Variants in RGS6 observed in about 807,000 individuals in gnomAD.
RGS6 encodes regulator of G-protein signaling 6.
Under a neutral mutation model 78.5 loss-of-function variants are expected in RGS6, and 30 were observed. The observed-to-expected ratio is 0.38, with a 90% CI of 0.29 to 0.52. The LOEUF (loss-of-function observed/expected upper bound fraction) is 0.52, where lower values mean the gene tolerates loss of function less well. Among genes scored for constraint, RGS6 ranks in the 20% least tolerant of loss-of-function variants. RGS6 has a pLI of 0.85. For synonymous variants in RGS6, 206 were observed against 206.0 expected (o/e 1.00, Z 0.00); for missense variants, 495 against 609.7 (o/e 0.81, Z 1.98).
chr14:72,072,268 T>A (rs750126462), intron 2 of RGS6, among the ~76,000 whole-genome samples: 4 of 151,920 alleles, frequency 2.6e-5, no homozygotes, highest in Non-Finnish European at 5.9e-5. Flanking sequence ...TTTTGGGAAG[T>A]GGATGTAGGT....
intron 2 of RGS6, among the ~76,000 whole-genome samples, chr14:72,203,027 A>G (rs2041915292): frequency 6.6e-6 from 1 of 151,964 alleles, no homozygotes; most frequent in African/African-American, 2.4e-5. Context: ...GGCGCCCGCC[A>G]CCACACCCGG....
chr14:72,150,579 C>G (rs1344700654), intron 2 of RGS6, among the ~76,000 whole-genome samples: 1 of 151,978 alleles, frequency 6.6e-6, no homozygotes, highest in Non-Finnish European at 1.5e-5. Flanking sequence ...GGGGAGACTT[C>G]AGGAAACTTA....
intron 2 of RGS6, among the ~76,000 whole-genome samples, chr14:72,291,032 C>CT (rs1331178036): frequency 2.0e-5 from 3 of 152,036 alleles, no homozygotes; most frequent in Non-Finnish European, 4.4e-5. Flanking sequence ...ACTCTACACT[C>CT]TTTTCCCTGC....
chr14:71,944,013 C>G (rs933117881), intron 1 of RGS6, among the ~76,000 whole-genome samples: 1 of 152,288 alleles, frequency 6.6e-6, no homozygotes, highest in East Asian at 1.9e-4. Context: ...TATAGTGAGA[C>G]TGTCATCCTA....
At chr14:72,182,041 A>G (rs1347889193) in intron 2 of RGS6, among the ~76,000 whole-genome samples, 1 of 152,236 alleles carries the variant, frequency 6.6e-6, no homozygotes, top group Non-Finnish European at 1.5e-5. Flanking sequence ...TTTCACCACA[A>G]TTCAGACATG....
intron 3 of RGS6, among the ~76,000 whole-genome samples, chr14:72,393,484 C>G (rs1177610036): frequency 6.6e-6 from 1 of 152,080 alleles, no homozygotes; most frequent in Non-Finnish European, 1.5e-5. Context: ...TAGTCTAATC[C>G]TTTTTTCAGA....
At chr14:72,372,420 CTCAGGATTTTCTA>C (rs1333708292) in intron 3 of RGS6, among the ~76,000 whole-genome samples, 1 of 152,192 alleles carries the variant, frequency 6.6e-6, no homozygotes, top group Non-Finnish European at 1.5e-5. Flanking sequence ...AAATCATTGG[CTCAGGATTTTCTA>C]CAGCGATCTA....
At position 72,417,828 on chromosome 14, in the gene RGS6, A is replaced by T. The variant is rs549573747; in HGVS notation, c.185-36700A>T. Among the ~76,000 whole-genome samples, 51 of 152,312 alleles carry T rather than the reference A, an allele frequency of 3.3e-4. No homozygotes were observed. The East Asian group carries it at 8.1e-3, about 24-fold the overall frequency. On this transcript the variant is annotated intron_variant, in intron 3 of 17. Coordinates refer to ENST00000553525, the MANE Select transcript of RGS6 (RefSeq NM_001204424.2). ...GGTGCTGTTAATTCTTCTTTGCCCCACTGGTCCCCAGGTTCCATATCTGTA... is the reference window on the plus strand; with the variant it reads ...GGTGCTGTTAATTCTTCTTTGCCCCTCTGGTCCCCAGGTTCCATATCTGTA...
intron 2 of RGS6, among the ~76,000 whole-genome samples, chr14:72,077,481 G>C (rs2094623090): frequency 6.6e-6 from 1 of 151,610 alleles, no homozygotes; most frequent in Non-Finnish European, 1.5e-5. Context: ...TTCTGGCTTT[G>C]ATGGCATGCA....
intron 2 of RGS6, among the ~76,000 whole-genome samples, chr14:72,266,067 A>G (rs904945738): frequency 1.3e-5 from 2 of 151,594 alleles, no homozygotes; most frequent in African/African-American, 4.8e-5. Flanking sequence ...CCCTATCATC[A>G]CTCATGATTT....
intron 1 of RGS6, among the ~76,000 whole-genome samples, chr14:71,937,699 A>T (rs919729025): frequency 2.6e-5 from 4 of 152,244 alleles, no homozygotes; most frequent in Non-Finnish European, 4.4e-5. Context: ...GAATACCACG[A>T]TGGTGGATAA....
chr14:72,245,888 T>A (rs773029616), intron 2 of RGS6, among the ~76,000 whole-genome samples: 1 of 152,182 alleles, frequency 6.6e-6, no homozygotes, highest in Non-Finnish European at 1.5e-5. Context: ...GTCTGTATGT[T>A]CACATTCCTC....
At chr14:72,029,469 G>T (rs1286727439) in intron 2 of RGS6, among the ~76,000 whole-genome samples, 3 of 152,186 alleles carry the variant, frequency 2.0e-5, no homozygotes, top group African/African-American at 4.8e-5. Context: ...TGCTATGAAA[G>T]TTCCCTCCGT....
At chr14:72,032,342 T>C (rs938078261) in intron 2 of RGS6, among the ~76,000 whole-genome samples, 1 of 152,214 alleles carries the variant, frequency 6.6e-6, no homozygotes, top group South Asian at 2.1e-4. Flanking sequence ...CACTGGTTAT[T>C]TTCCTTTGCT....
chr14:72,509,885 A>G (rs1208022449), intron 13 of RGS6, among the ~76,000 whole-genome samples: 1 of 152,228 alleles, frequency 6.6e-6, no homozygotes, highest in Non-Finnish European at 1.5e-5. Context: ...AGTTTAATCA[A>G]TGGCATGGTA....
At chr14:72,319,280 G>T (rs2071189234) in intron 2 of RGS6, among the ~76,000 whole-genome samples, 1 of 152,030 alleles carries the variant, frequency 6.6e-6, no homozygotes, top group South Asian at 2.1e-4. Context: ...AAGAGGTCAG[G>T]GGTAATATGG....
chr14:72,351,321 A>G (rs1360238327), intron 2 of RGS6, among the ~76,000 whole-genome samples: 1 of 152,160 alleles, frequency 6.6e-6, no homozygotes, highest in Non-Finnish European at 1.5e-5. Context: ...CTCGTAAATT[A>G]TTAACTACAA....
At chr14:71,881,029 A>G in the RGS6 span, among the ~76,000 whole-genome samples, 2 of 152,196 alleles carry the variant, frequency 1.3e-5, no homozygotes, top group African/African-American at 4.8e-5. Flanking sequence ...CATCAGTGTG[A>G]CCTGTATGTG....
chr14:71,877,999 A>G, the RGS6 span, among the ~76,000 whole-genome samples: 8 of 152,264 alleles, frequency 5.3e-5, 1 homozygote, highest in African/African-American at 1.9e-4. Flanking sequence ...CAGAACCACA[A>G]ATATTGCAGA....
Sources: gnomAD v4.1 joint callset for allele counts (sites outside exome capture counted in the v4.1 genomes callset) on GRCh38, gnomAD v4.1.1 for gene constraint, MANE v1.5 for transcripts, NCBI Gene and HGNC (gene_info 2026-07-23, HGNC 2026-07-21) for gene names.